TNKS2: variants seen among roughly 807,000 people sequenced by gnomAD.
The protein encoded by TNKS2 is tankyrase 2.
Under a neutral mutation model 137.6 loss-of-function variants are expected in TNKS2, and 72 were observed. That is an observed-to-expected ratio of 0.52 (90% CI 0.43 to 0.64). TNKS2 has a LOEUF of 0.64. Among genes scored for constraint, TNKS2 ranks in the 30% least tolerant of loss-of-function variants. The pLI is 0.00. For missense variants in TNKS2, 1,049 were observed against 1,410.2 expected (o/e 0.74, Z 4.10); for synonymous variants, 516 against 512.1 (o/e 1.01, Z -0.10).
intron 12 of TNKS2, 41 bp from the exon 13 acceptor site, chr10:91,836,878 A>C: frequency 1.3e-6 from 2 of 1,590,650 alleles, no homozygotes; most frequent in South Asian, 2.3e-5. Flanking sequence ...CCATCTTCCA[A>C]ATAGAGGTTA....
At chr10:91,799,043 T>G (rs1024466092) in intron 1 of TNKS2, among the ~76,000 whole-genome samples, 154 bp downstream of exon 1, 3 of 152,050 alleles carry the variant, frequency 2.0e-5, no homozygotes, top group Non-Finnish European at 2.9e-5. Context: ...CTAAGGAGAT[T>G]AGGGGTAGGG....
chr10:91,825,290 A>G (rs113469284), intron 7 of TNKS2, among the ~76,000 whole-genome samples: 1,813 of 151,970 alleles, frequency 0.012, 16 homozygotes, highest in Non-Finnish European at 0.019. Flanking sequence ...TTTTGTAGAG[A>G]TAGGGTTTCA....
At chr10:91,848,999 G>A (rs545740590) in intron 19 of TNKS2, among the ~76,000 whole-genome samples, 1 of 152,258 alleles carries the variant, frequency 6.6e-6, no homozygotes, top group East Asian at 1.9e-4. Flanking sequence ...ACCATGCCCG[G>A]CTAATTTTTG....
At chr10:91,801,596 C>T (rs541531634) in intron 1 of TNKS2, among the ~76,000 whole-genome samples, 1 of 152,202 alleles carries the variant, frequency 6.6e-6, no homozygotes, top group African/African-American at 2.4e-5. Flanking sequence ...GTCTCAGCCT[C>T]CTAAGTAGCT....
In TNKS2 at chr10:91,822,466, C is replaced by G. The variant is rs558896039; in HGVS notation, c.795+104C>G. On this transcript the variant is annotated intron_variant, in intron 7 of 26. Coordinates refer to ENST00000371627, the MANE Select transcript of TNKS2 (RefSeq NM_025235.4). ...CTTTTTATTTTCTGTGTTCTTAGTG[C>G]TTAAAAAAGTAGAAGTATTTATAAG... 4.4e-5 allele frequency: 38 copies of G among 866,138 alleles called. No individual in the cohort carries two copies. In the African/African-American group the frequency reaches 4.9e-4, roughly 11 times the overall value. 53.7% of individuals were successfully genotyped at this position (866,138 alleles called of 1,614,324 possible).
chr10:91,850,729 A>T (rs1842517141), intron 20 of TNKS2, among the ~76,000 whole-genome samples: 1 of 152,214 alleles, frequency 6.6e-6, no homozygotes, highest in Non-Finnish European at 1.5e-5. Context: ...CAAAAATAAA[A>T]AAACAGAAAT....
At position 91,836,987 on chromosome 10, in the gene TNKS2, G is replaced by A. The variant is rs755521324; in HGVS notation, c.1516G>A (p.Glu506Lys). The A allele has an allele frequency of 1.4e-5, 22 of 1,612,910 alleles. No homozygotes were observed. The highest frequency in any genetic ancestry group is 1.6e-4 in the Middle Eastern group (1 of 6,082). ...GGAAGCTGCAAAGGCTGGAGATGTCGAAACTGTAAAAGTAAGATACAGTGT... is the reference window on the plus strand; with the variant it reads ...GGAAGCTGCAAAGGCTGGAGATGTCAAAACTGTAAAAGTAAGATACAGTGT... ...LLEAAKAGDV[E>K]TVKKLCTVQS... Residue 506 changes from glutamate (E) to lysine (K), a missense_variant, in exon 13 of 27, where the codon GAA (glutamate) becomes AAA (lysine). By Grantham distance (56) the Glu-to-Lys change is moderately conservative (BLOSUM62 1). This residue lies in a region of TNKS2 where 328 missense variants were observed against 436.0 expected (regional missense o/e 0.75). Transcript: ENST00000371627.
At chr10:91,807,364 G>T (rs1006605120) in intron 1 of TNKS2, 4 of 1,614,096 alleles carry the variant, frequency 2.5e-6, no homozygotes, top group Non-Finnish European at 2.5e-6. Context: ...AGAACCACAC[G>T]TGCCTTCATA....
chr10:91,831,252 C>T, intron 11 of TNKS2, 71 bp downstream of exon 11: 1 of 1,296,136 alleles, frequency 7.7e-7, no homozygotes, highest in Non-Finnish European at 1.1e-6. Flanking sequence ...AAATGCCTGA[C>T]TTCCTAAACT....
intron 2 of TNKS2, among the ~76,000 whole-genome samples, chr10:91,814,752 C>T (rs1039483370): frequency 2.2e-4 from 33 of 152,236 alleles, no homozygotes; most frequent in Non-Finnish European, 4.6e-4. Context: ...TAGGCTATAC[C>T]ATGTAGCCTA....
intron 13 of TNKS2, among the ~76,000 whole-genome samples, chr10:91,838,993 G>A (rs1842122408): frequency 2.0e-5 from 3 of 151,990 alleles, no homozygotes; most frequent in South Asian, 2.1e-4. Flanking sequence ...TCAGCCTCCC[G>A]AGTAGCTGGC....
At chr10:91,829,621 T>C (rs1247809962) in intron 9 of TNKS2, among the ~76,000 whole-genome samples, 2 of 152,192 alleles carry the variant, frequency 1.3e-5, no homozygotes, top group Non-Finnish European at 2.9e-5. Flanking sequence ...GCTCTCATGA[T>C]AGGTGTCCTG....
chr10:91,849,612 A>G lies in TNKS2; in HGVS notation c.2694+18A>G, dbSNP rs1564627008. The G allele has an allele frequency of 6.4e-7, 1 of 1,565,376 alleles. No homozygotes were observed. The highest frequency in any genetic ancestry group is 2.3e-5 in the East Asian group (1 of 42,862). ...GAGAACAGGTGAGTAGATAAATCATATTGTTTGGATTAGTGTTTTATGGAA... is the reference window on the plus strand; with the variant it reads ...GAGAACAGGTGAGTAGATAAATCATGTTGTTTGGATTAGTGTTTTATGGAA... On this transcript the variant is annotated intron_variant, in intron 20 of 26. Transcript: ENST00000371627.
At chr10:91,862,452 C>T (rs1410171815) in intron 26 of TNKS2, among the ~76,000 whole-genome samples, 2 of 152,122 alleles carry the variant, frequency 1.3e-5, no homozygotes, top group East Asian at 3.8e-4. Context: ...AGTTGCAGGG[C>T]ATGTCCCTTT....
chr10:91,817,514 T>A (rs989321347), intron 3 of TNKS2, among the ~76,000 whole-genome samples: 12 of 152,228 alleles, frequency 7.9e-5, no homozygotes, highest in Non-Finnish European at 1.6e-4. Context: ...GGACATTTTT[T>A]AAATACCCCT....
At chr10:91,837,116 C>T (rs1842049295) in intron 13 of TNKS2, 118 bp downstream of exon 13, 1 of 878,422 alleles carries the variant, frequency 1.1e-6, no homozygotes, top group Admixed American at 3.5e-5. Context: ...CTTAAAAGGT[C>T]AATAATACAA....
At chr10:91,798,988 C>T in intron 1 of TNKS2, 99 bp downstream of exon 1, 1 of 1,256,332 alleles carries the variant, frequency 8.0e-7, no homozygotes, top group Non-Finnish European at 1.0e-6. Context: ...CCCGACCTTT[C>T]TCCAGGACTC....
Position 91,864,057 on chromosome 10 carries a change from GT to G in TNKS2, c.*1062del, listed in dbSNP as rs1204076006. 1 of 151,848 alleles carries G rather than the reference GT, an allele frequency of 6.6e-6. No homozygotes were observed. Among genetic ancestry groups the G allele is most frequent in the African/African-American group, 2.4e-5 (1 of 41,328 alleles). The allele number at this position is 151,848 out of a possible 1,614,324, so 9.4% of individuals were successfully genotyped here. ...TATTTTTTCCTGTTCTTTTTACTTG[GT>G]TTTATTGCTGTATTTATAGCCAATC... On this transcript the variant is annotated 3_prime_UTR_variant, in exon 27 of 27. Transcript: ENST00000371627.
rs1589683805 is a variant in TNKS2 at position 91,844,822 on chromosome 10, A to G, written c.2060-97A>G. 4 of 682,174 alleles carry G rather than the reference A, an allele frequency of 5.9e-6. No homozygotes were observed. In the Admixed American group the frequency reaches 8.3e-5, roughly 14 times the overall value. The allele number at this position is 682,174 out of a possible 1,614,324, so 42.3% of individuals were successfully genotyped here. ...TATAAATACATATATATATGTATAC[A>G]TGTAATGACTTTTTTATGTTAACAA... On this transcript the variant is annotated intron_variant, in intron 16 of 26. Coordinates refer to ENST00000371627, the MANE Select transcript of TNKS2 (RefSeq NM_025235.4).
Sources: gnomAD v4.1 joint callset for allele counts (sites outside exome capture counted in the v4.1 genomes callset) on GRCh38, gnomAD v4.1.1 for gene constraint, gnomAD v4.1.1 regional missense constraint, MANE v1.5 for transcripts, NCBI Gene and HGNC (gene_info 2026-07-23, HGNC 2026-07-21) for gene names.